Variants in TBC1D8 observed in about 807,000 individuals in gnomAD.
TBC1D8 encodes the protein BUB2-like protein 1.
Under a neutral mutation model 118.8 loss-of-function variants are expected in TBC1D8, and 65 were observed. The ratio of observed to expected loss-of-function variants is 0.55; its 90% CI spans 0.45 to 0.67. The LOEUF (loss-of-function observed/expected upper bound fraction) is 0.67. Ranked by LOEUF, TBC1D8 falls within the 30% of genes least tolerant of loss-of-function variation. The pLI, the probability that TBC1D8 is intolerant of heterozygous loss-of-function variation, is 0.00. For synonymous variants in TBC1D8, 566 were observed against 595.8 expected, an observed-to-expected ratio of 0.95 and a Z score of 0.73; for missense variants, 1,376 against 1,471.2, an observed-to-expected ratio of 0.94 and a Z score of 1.06.
chr2:101,011,393 T>G, intron 18 of TBC1D8, 58 bp downstream of exon 18: 1 of 1,563,396 alleles, frequency 6.4e-7, no homozygotes, highest in African/African-American at 1.4e-5. Context: ...GCAACCCCGG[T>G]GCCTCCCGCC....
chr2:101,023,168 G>A (rs1416210923), intron 15 of TBC1D8, among the ~76,000 whole-genome samples: 2 of 143,160 alleles, frequency 1.4e-5, no homozygotes, highest in Admixed American at 7.2e-5. Context: ...TTTTTGAGAC[G>A]GAGTCTCGCT....
intron 1 of TBC1D8, among the ~76,000 whole-genome samples, chr2:101,108,680 G>A (rs542724734): frequency 3.9e-5 from 6 of 152,036 alleles, no homozygotes; most frequent in South Asian, 4.2e-4. Context: ...AGATCCCCTC[G>A]TCCAGTTATA....
chr2:101,021,016 T>C (rs1360582087), intron 17 of TBC1D8, among the ~76,000 whole-genome samples: 2 of 152,128 alleles, frequency 1.3e-5, no homozygotes, highest in South Asian at 4.1e-4. Flanking sequence ...AGTGCACTAA[T>C]AGTTGTAAAA....
chr2:101,147,387 T>A (rs1484377545), intron 1 of TBC1D8, among the ~76,000 whole-genome samples: 1 of 152,156 alleles, frequency 6.6e-6, no homozygotes, highest in African/African-American at 2.4e-5. Flanking sequence ...TTGAAGACCC[T>A]CCATACTGTC....
At chr2:101,084,844 T>G (rs1324473962) in intron 2 of TBC1D8, among the ~76,000 whole-genome samples, 1 of 131,922 alleles carries the variant, frequency 7.6e-6, no homozygotes, top group Non-Finnish European at 1.6e-5. Flanking sequence ...GAATGGGTAT[T>G]CACTATTTTT....
At chr2:101,036,269 C>T in intron 8 of TBC1D8, 101 bp from the exon 9 acceptor site, 1 of 1,391,472 alleles carries the variant, frequency 7.2e-7, no homozygotes, top group Non-Finnish European at 1.0e-6. Context: ...CCCCTGCTCT[C>T]CGAGGGGCCA....
chr2:101,080,295 C>G (rs1025665377), intron 2 of TBC1D8, among the ~76,000 whole-genome samples: 1 of 152,100 alleles, frequency 6.6e-6, no homozygotes, highest in African/African-American at 2.4e-5. Context: ...CAGAGAAAAG[C>G]ACTGTCTTCC....
At chr2:101,139,287 T>C (rs1558729598) in intron 1 of TBC1D8, among the ~76,000 whole-genome samples, 1 of 151,084 alleles carries the variant, frequency 6.6e-6, no homozygotes, top group Non-Finnish European at 1.5e-5. Flanking sequence ...ACTCCATTCA[T>C]TGACAAATAA....
At chr2:101,049,456 C>T (rs890582130) in intron 5 of TBC1D8, among the ~76,000 whole-genome samples, 22 of 152,126 alleles carry the variant, frequency 1.4e-4, no homozygotes, top group South Asian at 6.2e-4. Context: ...CAGCCAGGCA[C>T]GGTGGCTCAC....
At chr2:101,110,011 C>T in intron 1 of TBC1D8, 1 of 985,448 alleles carries the variant, frequency 1.0e-6, no homozygotes, top group Non-Finnish European at 1.2e-6. Flanking sequence ...CAGGAAAATC[C>T]TCCTGGCGTC....
At chr2:101,092,375 C>T (rs1168329656) in intron 1 of TBC1D8, among the ~76,000 whole-genome samples, 1 of 152,204 alleles carries the variant, frequency 6.6e-6, no homozygotes, top group Non-Finnish European at 1.5e-5. Context: ...TTCTTGGTAA[C>T]GTTCGCTTTC....
chr2:101,028,722 AC>A (rs1680499039), intron 12 of TBC1D8, among the ~76,000 whole-genome samples: 1 of 151,990 alleles, frequency 6.6e-6, no homozygotes, highest in Non-Finnish European at 1.5e-5. Context: ...CTGAAAGAGA[AC>A]CCCCTCTTTC....
chr2:101,035,495 A>AT (rs2105393800), intron 9 of TBC1D8, among the ~76,000 whole-genome samples: 1 of 152,310 alleles, frequency 6.6e-6, no homozygotes, highest in East Asian at 1.9e-4. Context: ...AAAAGAGGCC[A>AT]TCCCTGAATG....
chr2:101,028,150 C>A lies in TBC1D8; in HGVS notation c.2353-4G>T, dbSNP rs1249978323. On this transcript the variant is annotated splice_region_variant and splice_polypyrimidine_tract_variant and intron_variant, in intron 13 of 19. Coordinates refer to ENST00000409318, the MANE Select transcript of TBC1D8 (RefSeq NM_001330348.2). ...CCACAGACTGGTCTCCAAATTTCTG[C>A]AGGGAAAAAAGGGACCACTTGCTCA... 6.2e-7 allele frequency: 1 copy of A among 1,613,460 alleles called. No individual in the cohort carries two copies. Among genetic ancestry groups the A allele is most frequent in the Non-Finnish European group, 8.5e-7 (1 of 1,179,826 alleles).
At chr2:101,037,337 G>A (rs574620301) in intron 8 of TBC1D8, among the ~76,000 whole-genome samples, 195 bp downstream of exon 8, 1 of 152,228 alleles carries the variant, frequency 6.6e-6, no homozygotes, top group Admixed American at 6.5e-5. Flanking sequence ...TTTACCGAAG[G>A]GTGGGTGGGA....
chr2:101,102,537 C>CAA (rs145368622), intron 1 of TBC1D8, among the ~76,000 whole-genome samples: 35 of 138,444 alleles, frequency 2.5e-4, no homozygotes, highest in East Asian at 1.0e-3. Flanking sequence ...GATTAAAAAC[C>CAA]AAAAAAAAAA....
intron 2 of TBC1D8, among the ~76,000 whole-genome samples, chr2:101,067,945 T>C (rs1359567766): frequency 1.3e-5 from 2 of 152,198 alleles, no homozygotes; most frequent in Non-Finnish European, 1.5e-5. Flanking sequence ...CGTTCAACAA[T>C]GTTTCAACAG....
chr2:101,012,925 A>T (rs1679338294), intron 17 of TBC1D8, among the ~76,000 whole-genome samples: 1 of 152,198 alleles, frequency 6.6e-6, no homozygotes, highest in Non-Finnish European at 1.5e-5. Context: ...GTAAGAATCC[A>T]CTCAAACTGA....
intron 1 of TBC1D8, among the ~76,000 whole-genome samples, chr2:101,117,886 T>TC (rs1677900537): frequency 6.6e-6 from 1 of 150,666 alleles, no homozygotes; most frequent in South Asian, 2.1e-4. Context: ...TTTTTTTTTT[T>TC]TTTTTTTTTA....
Sources: allele counts gnomAD v4.1 joint callset (sites outside exome capture counted in the v4.1 genomes callset), GRCh38; gene constraint gnomAD v4.1.1; transcripts MANE v1.5; gene names NCBI Gene and HGNC (gene_info 2026-07-23, HGNC 2026-07-21).